Variants in ASTN1 observed in about 807,000 individuals in gnomAD.
ASTN1 encodes the protein astrotactin-1.
Under a neutral mutation model 140.7 loss-of-function variants are expected in ASTN1, and 41 were observed. The observed-to-expected ratio is 0.29, with a 90% CI of 0.23 to 0.38. ASTN1 has a LOEUF of 0.38. Among genes scored for constraint, ASTN1 ranks in the 10% least tolerant of loss-of-function variants. The probability of loss-of-function intolerance (pLI) is 1.00; values close to 1 mark genes in which losing one functional copy is unlikely to be tolerated. For synonymous variants in ASTN1, 640 were observed against 652.2 expected (o/e 0.98, Z 0.29); for missense variants, 1,479 against 1,678.8 (o/e 0.88, Z 2.08).
At chr1:177,095,293 T>G (rs1211210192) in intron 1 of ASTN1, among the ~76,000 whole-genome samples, 1 of 152,142 alleles carries the variant, frequency 6.6e-6, no homozygotes, top group East Asian at 1.9e-4. Flanking sequence ...AGAACAAGAG[T>G]GTAGCTAAGC....
intron 11 of ASTN1, 114 bp downstream of exon 11, chr1:176,957,564 G>T: frequency 7.5e-7 from 1 of 1,335,490 alleles, no homozygotes; most frequent in Non-Finnish European, 1.0e-6. Context: ...ACTAAATGGT[G>T]TTTACAACTG....
At chr1:176,890,771 A>T (rs1288720830) in intron 17 of ASTN1, among the ~76,000 whole-genome samples, 1 of 152,194 alleles carries the variant, frequency 6.6e-6, no homozygotes, top group Non-Finnish European at 1.5e-5. Flanking sequence ...CATGCCTGTA[A>T]TCCCAGCACT....
intron 17 of ASTN1, 62 bp downstream of exon 17, chr1:176,894,496 ACACC>A: frequency 6.4e-7 from 1 of 1,565,386 alleles, no homozygotes; most frequent in African/African-American, 1.4e-5. Flanking sequence ...TCACTTCCTC[ACACC>A]ATTTGGAAAG....
At chr1:176,968,275 G>A (rs1161736438) in intron 8 of ASTN1, among the ~76,000 whole-genome samples, 2 of 152,254 alleles carry the variant, frequency 1.3e-5, no homozygotes, top group African/African-American at 4.8e-5. Flanking sequence ...TGTTAAATAA[G>A]TTAAATTGAT....
chr1:176,885,673 CA>C (rs2103029602), intron 18 of ASTN1, among the ~76,000 whole-genome samples: 1 of 152,238 alleles, frequency 6.6e-6, no homozygotes, highest in Non-Finnish European at 1.5e-5. Flanking sequence ...TGAATGACAC[CA>C]AACCATCTGC....
chr1:177,085,823 G>A (rs1009678036), intron 1 of ASTN1, among the ~76,000 whole-genome samples: 4 of 152,118 alleles, frequency 2.6e-5, no homozygotes, highest in East Asian at 1.9e-4. Context: ...CGCCAGGTTC[G>A]TACTTTCTTG....
In ASTN1 at chr1:177,105,950, T is replaced by G. The variant is rs72720724; in HGVS notation, c.284-44685A>C. Among the ~76,000 whole-genome samples, 833 of 152,306 alleles carry G rather than the reference T, an allele frequency of 5.5e-3. 6 individuals are homozygous for G. The highest frequency in any genetic ancestry group is 0.02 in the Middle Eastern group (6 of 294). The stretch of plus-strand genomic sequence containing the variant: ...GTTCAAGGCTGCAGTGAGCTATTAC[T>G]GCACCACTGCATTTCAGCCTGGGAG... On this transcript the variant is annotated intron_variant, in intron 1 of 22. Coordinates refer to ENST00000361833, the MANE Select transcript of ASTN1 (RefSeq NM_004319.3).
At chr1:176,908,636 G>A (rs1571493600) in intron 16 of ASTN1, among the ~76,000 whole-genome samples, 1 of 152,284 alleles carries the variant, frequency 6.6e-6, no homozygotes, top group Non-Finnish European at 1.5e-5. Flanking sequence ...TGCCATATCT[G>A]TAGAATGGGT....
intron 1 of ASTN1, among the ~76,000 whole-genome samples, chr1:177,088,543 A>G (rs1454369387): frequency 1.3e-5 from 2 of 152,314 alleles, no homozygotes; most frequent in African/African-American, 4.8e-5. Flanking sequence ...CAAGGGAAAA[A>G]CACACTTTTT....
rs1676006951 is a variant in ASTN1, at chr1:177,024,605, G to A, written c.1248C>T (p.Val416=). 2 of 1,614,062 alleles carry A rather than the reference G, an allele frequency of 1.2e-6. No homozygotes were observed. The highest frequency in any genetic ancestry group is 1.7e-6 in the Non-Finnish European group (2 of 1,180,010). Residue 416 remains valine, a synonymous_variant, in exon 6 of 23, where the codon GTC becomes GTT. Coordinates refer to ENST00000361833, the MANE Select transcript of ASTN1 (RefSeq NM_004319.3). ...CACCATCAGCAATCAGGTGCTCAGG[G>A]ACATGCAGGGTGATCTTGACAACGA... ...CPLVVKITLH[V]PEHLIADGSR... is the part of the protein sequence containing the mutation.
intron 9 of ASTN1, among the ~76,000 whole-genome samples, chr1:176,963,394 G>C (rs1672748382): frequency 1.3e-5 from 2 of 152,070 alleles, no homozygotes; most frequent in Non-Finnish European, 2.9e-5. Context: ...TAAAGTTCCT[G>C]GTACCTAAAA....
intron 11 of ASTN1, among the ~76,000 whole-genome samples, chr1:176,955,269 C>G (rs1357809425): frequency 3.3e-5 from 5 of 152,186 alleles, no homozygotes; most frequent in African/African-American, 1.2e-4. Context: ...GGTCCACTTC[C>G]AGATGACAAG....
rs1200494075 is a variant in ASTN1, at chr1:176,862,701, A to G, written c.*1583T>C. ...ACCTCTCTTTGCCTCGTTTTCCTCA[A>G]CACTAAAATGGAGACAAGAATAGCA... On this transcript the variant is annotated 3_prime_UTR_variant, in exon 23 of 23. Coordinates refer to ENST00000361833, the MANE Select transcript of ASTN1 (RefSeq NM_004319.3). 3.3e-6 allele frequency: 3 copies of G among 910,126 alleles called. No individual in the cohort carries two copies. In the African/African-American group the frequency reaches 5.4e-5, roughly 16 times the overall value. 56.4% of individuals were successfully genotyped at this position (910,126 alleles called of 1,614,324 possible). A position where few individuals can be genotyped will look rare whatever the true frequency, so the allele number is the denominator to read the frequency against.
chr1:176,996,293 A>ACG (rs1400560416), intron 8 of ASTN1, among the ~76,000 whole-genome samples: 5 of 141,948 alleles, frequency 3.5e-5, no homozygotes, highest in Non-Finnish European at 6.1e-5. Flanking sequence ...TCTCTCTCAC[A>ACG]CACACACACA....
intron 1 of ASTN1, among the ~76,000 whole-genome samples, chr1:177,144,671 A>C (rs1318668159): frequency 6.6e-6 from 1 of 150,812 alleles, no homozygotes; most frequent in African/African-American, 2.4e-5. Context: ...ATTTTGGAGA[A>C]GGTTATTAGT....
chr1:176,939,849 A>AGAAG (rs1176450191), intron 14 of ASTN1, among the ~76,000 whole-genome samples: 1 of 133,726 alleles, frequency 7.5e-6, no homozygotes, highest in African/African-American at 2.8e-5. Context: ...AAGGAAGGAA[A>AGAAG]GAAGGAAGGA....
chr1:176,974,660 C>T (rs1673289068), intron 8 of ASTN1, among the ~76,000 whole-genome samples: 1 of 152,166 alleles, frequency 6.6e-6, no homozygotes, highest in South Asian at 2.1e-4. Context: ...GCTGGGATTA[C>T]AGGTGTGAGC....
intron 1 of ASTN1, among the ~76,000 whole-genome samples, chr1:177,099,738 T>C (rs894788810): frequency 1.3e-5 from 2 of 152,206 alleles, no homozygotes; most frequent in African/African-American, 4.8e-5. Flanking sequence ...TGGAGGATTC[T>C]TCCTATTGGT....
At chr1:176,897,210 G>A (rs904214685) in intron 16 of ASTN1, among the ~76,000 whole-genome samples, 5 of 143,418 alleles carry the variant, frequency 3.5e-5, no homozygotes, top group Non-Finnish European at 6.0e-5. Context: ...GGCAGGTGGA[G>A]GTTTCAGTGA....
Sources: allele counts gnomAD v4.1 joint callset (sites outside exome capture counted in the v4.1 genomes callset), GRCh38; gene constraint gnomAD v4.1.1; transcripts MANE v1.5; gene names NCBI Gene and HGNC (gene_info 2026-07-23, HGNC 2026-07-21).